The following HBEGF variants were observed in gnomAD, a reference collection of about 807,000 sequenced individuals.
HBEGF encodes heparin binding EGF like growth factor, also known as proheparin-binding EGF-like growth factor.
In HBEGF, 8 loss-of-function variants were observed where a neutral mutation model predicts 19.5. The ratio of observed to expected loss-of-function variants is 0.41; its 90% CI spans 0.24 to 0.74. The LOEUF (loss-of-function observed/expected upper bound fraction) is 0.74, where lower values mean the gene tolerates loss of function less well. Ranked by LOEUF, HBEGF falls within the 30% of genes least tolerant of loss-of-function variation. The probability of loss-of-function intolerance (pLI) is 0.32; values close to 1 mark genes in which losing one functional copy is unlikely to be tolerated. For missense variants in HBEGF, 207 were observed against 256.9 expected, an observed-to-expected ratio of 0.81 and a Z score of 1.33; for synonymous variants, 97 against 108.9, an observed-to-expected ratio of 0.89 and a Z score of 0.68.
Position 140,346,007 on chromosome 5 carries a change from G to C in HBEGF, c.124C>G (p.Pro42Ala), listed in dbSNP as rs771776491. 6.2e-7 allele frequency: 1 copy of C among 1,614,144 alleles called. No homozygotes were observed. Among genetic ancestry groups the C allele is most frequent in the Admixed American group, 1.7e-5 (1 of 60,028 alleles). Residue 42 changes from proline (P) to alanine (A), a missense_variant, in exon 2 of 6, where the codon CCT becomes GCT. Pro to Ala is a conservative substitution (Grantham distance 27). Around this residue, in one of 3 missense-constraint regions of HBEGF, gnomAD observed 127 missense variants for 132.7 expected, o/e 0.96. Transcript: ENST00000230990. The surrounding 1 kb of genome is among the most constrained non-coding windows in gnomAD (Gnocchi z 6.1). ...GLAAGTSNPDPPTVSTDQLLP... is the reference protein window; with the variant it reads ...GLAAGTSNPDAPTVSTDQLLP... ...AGCTGGTCCGTGGATACAGTGGGAG[G>C]GTCCGGGTTGCTGGTTCCAGCAGCT...
Position 140,333,148 on chromosome 5 carries a change from A to G in HBEGF, c.*1151T>C, listed in dbSNP as rs1242643302. On this transcript the variant is annotated 3_prime_UTR_variant, in exon 6 of 6. Transcript: ENST00000230990. Reference sequence around the variant, plus strand: ...TGTCCTCTGCTGCACTGACCCCTGCATGGAGTAGCACCAGAAGAATGGCAG... The same window carrying G: ...TGTCCTCTGCTGCACTGACCCCTGCGTGGAGTAGCACCAGAAGAATGGCAG... 6.5e-6 allele frequency: 1 copy of G among 152,730 alleles called. No individual in the cohort carries two copies. Among genetic ancestry groups the G allele is most frequent in the Non-Finnish European group, 1.5e-5 (1 of 68,098 alleles). 9.5% of individuals were successfully genotyped at this position (152,730 alleles called of 1,614,324 possible).
At chr5:140,345,396 C>G (rs138842952) in intron 2 of HBEGF, among the ~76,000 whole-genome samples, 1 of 152,176 alleles carries the variant, frequency 6.6e-6, no homozygotes, top group Admixed American at 6.5e-5. Context: ...CATTCACAGC[C>G]TCATCTAGGG....
At chr5:140,341,389 G>T (rs751404092) in intron 3 of HBEGF, among the ~76,000 whole-genome samples, 2 of 152,200 alleles carry the variant, frequency 1.3e-5, no homozygotes, top group African/African-American at 4.8e-5. Flanking sequence ...AATTTAAGAT[G>T]AACATTTCCC....
At chr5:140,338,524 T>C (rs1456302954) in intron 3 of HBEGF, among the ~76,000 whole-genome samples, 2 of 152,192 alleles carry the variant, frequency 1.3e-5, no homozygotes, top group Non-Finnish European at 2.9e-5. Context: ...CCACAGGTAG[T>C]TACTCAGAAG....
At position 140,334,036 on chromosome 5, in the gene HBEGF, T is replaced by G. The variant is rs1389547373; in HGVS notation, c.*263A>C. The G allele has an allele frequency of 6.6e-6, 1 of 152,584 alleles. No homozygotes were observed. The highest frequency in any genetic ancestry group is 1.5e-5 in the Non-Finnish European group (1 of 68,072). 9.5% of individuals were successfully genotyped at this position (152,584 alleles called of 1,614,324 possible). A position where few individuals can be genotyped will look rare whatever the true frequency, so the allele number is the denominator to read the frequency against. ...ACAAACTTATGAGGGGAAGTGGGGT[T>G]TGGTGGAGGGGAATCAGAAGGGCAT... On this transcript the variant is annotated 3_prime_UTR_variant, in exon 6 of 6. Coordinates refer to ENST00000230990, the MANE Select transcript of HBEGF (RefSeq NM_001945.3).
intron 2 of HBEGF, among the ~76,000 whole-genome samples, chr5:140,343,591 G>C (rs1360679276): frequency 6.6e-6 from 1 of 152,200 alleles, no homozygotes. Context: ...GTAAGGAACT[G>C]TCCAGAAGGA....
chr5:140,340,582 C>CAAAAAAAAAA (rs61489261), intron 3 of HBEGF, among the ~76,000 whole-genome samples: 19 of 59,832 alleles, frequency 3.2e-4, no homozygotes, highest in South Asian at 7.9e-4. Flanking sequence ...GACTCTGTCT[C>CAAAAAAAAAA]AAAAAAAAAA....
In HBEGF at chr5:140,334,659, T is replaced by C; in HGVS notation, c.*17A>G. 2 of 1,599,086 alleles carry C rather than the reference T, an allele frequency of 1.3e-6. No individual in the cohort carries two copies. Among genetic ancestry groups the C allele is most frequent in the Non-Finnish European group, 8.6e-7 (1 of 1,166,226 alleles). Reference sequence around the variant, plus strand: ...ATGGGGCAAAGGATGGAGCGTTACCTTGAGCACAAGTCTCTCTCAGTGGGA... The same window carrying C: ...ATGGGGCAAAGGATGGAGCGTTACCCTGAGCACAAGTCTCTCTCAGTGGGA... On this transcript the variant is annotated splice_region_variant and 3_prime_UTR_variant, in exon 5 of 6. Coordinates refer to ENST00000230990, the MANE Select transcript of HBEGF (RefSeq NM_001945.3).
In HBEGF at chr5:140,346,379, G is replaced by A; in HGVS notation, c.-51C>T. The A allele has an allele frequency of 1.3e-6, 2 of 1,574,008 alleles. No individual in the cohort carries two copies. Among genetic ancestry groups the A allele is most frequent in the Non-Finnish European group, 1.7e-6 (2 of 1,159,102 alleles). ...AGGCACCAGTCACTTTCGAAGCGGC[G>A]GCCACTGGGCGCTGGCACCAGAGCT... On this transcript the variant is annotated 5_prime_UTR_variant, in exon 1 of 6. Coordinates refer to ENST00000230990, the MANE Select transcript of HBEGF (RefSeq NM_001945.3). This position sits in a 1 kb window ranked among gnomAD's most constrained non-coding sequence, Gnocchi z 6.1.
chr5:140,344,143 AAAAAAAAG>A (rs1467837361), intron 2 of HBEGF, among the ~76,000 whole-genome samples: 3 of 152,078 alleles, frequency 2.0e-5, no homozygotes, highest in Non-Finnish European at 4.4e-5. Context: ...GTTTAAAAAA[AAAAAAAAG>A]AAAAAAAGAA....
Position 140,333,922 on chromosome 5 carries a change from CCTTCTT to C in HBEGF, c.*371_*376del, listed in dbSNP as rs140276265. 6.6e-6 allele frequency: 1 copy of C among 152,276 alleles called. No individual in the cohort carries two copies. Among genetic ancestry groups the C allele is most frequent in the African/African-American group, 2.4e-5 (1 of 41,254 alleles). 9.4% of individuals were successfully genotyped at this position (152,276 alleles called of 1,614,324 possible). ...TTCACAAATCTTTCCTTCTTGCTCT[CCTTCTT>C]CTTCTTCTTTTTTTTTTTCAGTCAA... On this transcript the variant is annotated 3_prime_UTR_variant, in exon 6 of 6. Transcript: ENST00000230990.
At position 140,346,063 on chromosome 5, in the gene HBEGF, C is replaced by T; in HGVS notation, c.68G>A (p.Gly23Asp). The stretch of plus-strand genomic sequence containing the variant: ...TCTCCGAAGCCGCTCCAGGCTCTCG[C>T]CAGTCACCAGTGCCGAGAGAACTGC... ...LAAVLSALVT[G>D]ESLERLRRGL... Residue 23 changes from glycine (G) to aspartate (D), a missense_variant, in exon 2 of 6, where the codon GGC (glycine) becomes GAC (aspartate). By Grantham distance (94) the Gly-to-Asp change is moderately conservative. Transcript: ENST00000230990. The surrounding 1 kb of genome is among the most constrained non-coding windows in gnomAD (Gnocchi z 6.1). 1 of 1,613,476 alleles carries T rather than the reference C, an allele frequency of 6.2e-7. No homozygotes were observed. The highest frequency in any genetic ancestry group is 1.3e-5 in the African/African-American group (1 of 75,036).
Position 140,346,578 on chromosome 5 carries a change from G to A in HBEGF, c.-250C>T, listed in dbSNP as rs2126720566. On this transcript the variant is annotated 5_prime_UTR_variant, in exon 1 of 6. Transcript: ENST00000230990. The surrounding 1 kb of genome is among the most constrained non-coding windows in gnomAD (Gnocchi z 6.1). ...CCTAGGTCAGGCCAGCCAGCAGCGT[G>A]GCCCGCGTAGCTCCTTCGGCCGAAT... 1 of 554,566 alleles carries A rather than the reference G, an allele frequency of 1.8e-6. No homozygotes were observed. Among genetic ancestry groups the A allele is most frequent in the East Asian group, 3.1e-5 (1 of 32,026 alleles). The allele number at this position is 554,566 out of a possible 1,614,324, so 34.4% of individuals were successfully genotyped here. A position where few individuals can be genotyped will look rare whatever the true frequency, so the allele number is the denominator to read the frequency against.
chr5:140,343,541 T>C (rs986502171), intron 2 of HBEGF, among the ~76,000 whole-genome samples: 2 of 152,202 alleles, frequency 1.3e-5, no homozygotes, highest in African/African-American at 2.4e-5. Flanking sequence ...GCTCTCTGGA[T>C]TGGGGGGTAC....
chr5:140,336,293 G>A (rs1766227128), intron 3 of HBEGF, among the ~76,000 whole-genome samples: 1 of 152,148 alleles, frequency 6.6e-6, no homozygotes, highest in South Asian at 2.1e-4. Flanking sequence ...TTCTAGGCAT[G>A]GAAAAAGCAA....
chr5:140,338,201 C>T (rs1018678082), intron 3 of HBEGF, among the ~76,000 whole-genome samples: 2 of 152,182 alleles, frequency 1.3e-5, no homozygotes, highest in Non-Finnish European at 2.9e-5. Context: ...TTATTTATTA[C>T]TCATAACTTG....
intron 2 of HBEGF, among the ~76,000 whole-genome samples, chr5:140,345,582 G>T (rs1269560977): frequency 6.6e-6 from 1 of 152,098 alleles, no homozygotes; most frequent in African/African-American, 2.4e-5. Context: ...TTTTTACATA[G>T]TAGCTCTAGG....
chr5:140,335,769 G>C lies in HBEGF; in HGVS notation c.554+103C>G. On this transcript the variant is annotated intron_variant, in intron 4 of 5. Coordinates refer to ENST00000230990, the MANE Select transcript of HBEGF (RefSeq NM_001945.3). ...CACCCCGGAGCTAGCCCATGATTTG[G>C]AAAGATTGAGGGAAGTGCATGTGAC... 2.4e-6 allele frequency: 3 copies of C among 1,257,262 alleles called. No individual in the cohort carries two copies. The South Asian group carries it at 4.2e-5, about 18-fold the overall frequency. 77.9% of individuals were successfully genotyped at this position (1,257,262 alleles called of 1,614,324 possible).
Position 140,334,185 on chromosome 5 carries a change from G to A in HBEGF, c.*114C>T, listed in dbSNP as rs1452176001. 1 of 156,030 alleles carries A rather than the reference G, an allele frequency of 6.4e-6. No individual in the cohort carries two copies. Among genetic ancestry groups the A allele is most frequent in the East Asian group, 1.9e-4 (1 of 5,280 alleles). The allele number at this position is 156,030 out of a possible 1,614,324, so 9.7% of individuals were successfully genotyped here. A position where few individuals can be genotyped will look rare whatever the true frequency, so the allele number is the denominator to read the frequency against. On this transcript the variant is annotated 3_prime_UTR_variant, in exon 6 of 6. Transcript: ENST00000230990. ...AGGCCCAATCCTAGACGGCAACTGG[G>A]GACGAAGGAGTCTTTGTGACTAGAT...
Sources: allele counts gnomAD v4.1 joint callset (sites outside exome capture counted in the v4.1 genomes callset), GRCh38; gene constraint gnomAD v4.1.1; regional missense constraint gnomAD v4.1.1; non-coding constraint Gnocchi (gnomAD v3.1); transcripts MANE v1.5; gene names NCBI Gene and HGNC (gene_info 2026-07-23, HGNC 2026-07-21).